TBX4: variants seen among roughly 807,000 people sequenced by gnomAD.
TBX4 encodes T-box transcription factor 4.
TBX4 carries 13 observed loss-of-function variants against 54.6 expected under a neutral mutation model. That is an observed-to-expected ratio of 0.24 (90% confidence interval 0.15 to 0.38). TBX4 has a LOEUF of 0.38. TBX4 is among the 10% of genes least tolerant of loss of function. TBX4 has a pLI of 1.00. For synonymous variants in TBX4, 314 were observed against 306.7 expected, an observed-to-expected ratio of 1.02 and a Z score of -0.25; for missense variants, 631 against 728.5, an observed-to-expected ratio of 0.87 and a Z score of 1.54.
chr17:61,467,385 C>T, intron 4 of TBX4, 125 bp from the exon 5 acceptor site: 1 of 1,088,876 alleles, frequency 9.2e-7, no homozygotes, highest in Non-Finnish European at 1.4e-6. Context: ...ACTAATTTGA[C>T]AATGTGGTGG....
rs2060645750 is a variant in TBX4, at chr17:61,479,288, C to T, written c.702+509C>T. 6.6e-6 allele frequency among the ~76,000 whole-genome samples: 1 copy of T among 152,166 alleles called. No homozygotes were observed. The highest frequency in any genetic ancestry group is 1.5e-5 in the Non-Finnish European group (1 of 68,038). On this transcript the variant is annotated intron_variant, in intron 6 of 8. Coordinates refer to ENST00000644296, the MANE Select transcript of TBX4 (RefSeq NM_001321120.2). This position sits in a 1 kb window ranked among gnomAD's most constrained non-coding sequence, Gnocchi z 6.1. Reference sequence around the variant, plus strand: ...CTGCCCTCCCCAGCCCGGCCACCCCCACTGCATCCCAGTCACTGACAGCCG... The same window carrying T: ...CTGCCCTCCCCAGCCCGGCCACCCCTACTGCATCCCAGTCACTGACAGCCG...
chr17:61,482,113 T>A (rs1311082594), intron 8 of TBX4, among the ~76,000 whole-genome samples: 2 of 152,122 alleles, frequency 1.3e-5, no homozygotes, highest in South Asian at 2.1e-4. Flanking sequence ...CCCCAAACCC[T>A]CAGGCCTGGG....
chr17:61,459,917 C>T lies in TBX4; in HGVS notation c.281+2286C>T, dbSNP rs1248270788. 2.6e-5 allele frequency among the ~76,000 whole-genome samples: 4 copies of T among 151,734 alleles called. No individual in the cohort carries two copies. Among genetic ancestry groups the T allele is most frequent in the Non-Finnish European group, 4.4e-5 (3 of 67,986 alleles). On this transcript the variant is annotated intron_variant, in intron 3 of 8. Transcript: ENST00000644296. The surrounding 1 kb of genome is among the most constrained non-coding windows in gnomAD (Gnocchi z 4.8). ...CCCTCCTTCAGCAACCACTGTATTG[C>T]TCTGATCTACGTTACTCAGGCTGTG...
rs2060507204 is a variant in TBX4 at position 61,462,888 on chromosome 17, G to A, written c.282-2931G>A. The A allele has an allele frequency of 6.6e-6, 1 of 152,346 alleles. No individual in the cohort carries two copies. The highest frequency in any genetic ancestry group is 2.4e-5 in the African/African-American group (1 of 41,474). The allele number at this position is 152,346 out of a possible 1,614,324, so 9.4% of individuals were successfully genotyped here. The stretch of plus-strand genomic sequence containing the variant: ...AGCTCCCAAACCCAGCCTGGCCTCT[G>A]TCGCCTGAGGCATGCCACGCTGGGG... On this transcript the variant is annotated intron_variant, in intron 3 of 8. Transcript: ENST00000644296. This position sits in a 1 kb window ranked among gnomAD's most constrained non-coding sequence, Gnocchi z 4.5.
At chr17:61,456,168 G>A (rs577354687) in intron 1 of TBX4, among the ~76,000 whole-genome samples, 10 of 152,352 alleles carry the variant, frequency 6.6e-5, no homozygotes, top group African/African-American at 2.2e-4. Flanking sequence ...CTCAGTAGGA[G>A]TGAGGGACTC....
Position 61,466,968 on chromosome 17 carries a change from G to A in TBX4, c.402-542G>A, listed in dbSNP as rs138610172. Among the ~76,000 whole-genome samples, 468 of 152,246 alleles carry A rather than the reference G, an allele frequency of 3.1e-3. 1 individual carries two copies. Among genetic ancestry groups the A allele is most frequent in the Non-Finnish European group, 5.3e-3 (360 of 68,016 alleles). The stretch of plus-strand genomic sequence containing the variant: ...GGTCAGGAGTTTGAGACCAGCCTGG[G>A]TAATATAGTAAGATCCTTGTCTCTG... On this transcript the variant is annotated intron_variant, in intron 4 of 8. Transcript: ENST00000644296.
intron 2 of TBX4, 56 bp downstream of exon 2, chr17:61,456,732 G>T (rs1253126539): frequency 3.1e-6 from 4 of 1,276,332 alleles, no homozygotes; most frequent in Non-Finnish European, 4.0e-6. Context: ...CTGCGGGGCC[G>T]CCTGTGTCCG....
At position 61,467,618 on chromosome 17, in the gene TBX4, G is replaced by A. The variant is rs748363362; in HGVS notation, c.510G>A (p.Lys170=). Residue 170 remains lysine (K), a synonymous_variant, in exon 5 of 9, where the codon AAG becomes AAA. Transcript: ENST00000644296. Reference sequence around the variant, plus strand: ...TGCGGCAGCTGGTCTCCTTCCAGAAGCTGAAGCTGACAAACAACCACCTGG... The same window carrying A: ...TGCGGCAGCTGGTCTCCTTCCAGAAACTGAAGCTGACAAACAACCACCTGG... ...HWMRQLVSFQ[K]LKLTNNHLDP... is the part of the protein sequence containing the mutation. The A allele has an allele frequency of 1.2e-6, 2 of 1,614,240 alleles. No individual in the cohort carries two copies. Among genetic ancestry groups the A allele is most frequent in the South Asian group, 1.1e-5 (1 of 91,084 alleles).
chr17:61,455,235 A>G (rs1443750082), intron 1 of TBX4, among the ~76,000 whole-genome samples: 1 of 152,080 alleles, frequency 6.6e-6, no homozygotes, highest in Admixed American at 6.5e-5. Context: ...TAAGCCCGGG[A>G]TGAGGAGGCC....
chr17:61,456,603 G>T lies in TBX4; in HGVS notation c.113G>T (p.Gly38Val), dbSNP rs946799652. Residue 38 changes from glycine (G) to valine (V), a missense_variant, in exon 2 of 9, where the codon GGC (glycine) becomes GTC (valine). Gly to Val is a moderately radical substitution (Grantham distance 109). Coordinates refer to ENST00000644296, the MANE Select transcript of TBX4 (RefSeq NM_001321120.2). ...CCCGAGCCCGCGCTGGCAGCGCCGGGCCTCAGCGGAGCCGCGCTAGGCAGC... is the reference window on the plus strand; with the variant it reads ...CCCGAGCCCGCGCTGGCAGCGCCGGTCCTCAGCGGAGCCGCGCTAGGCAGC... ...NAPEPALAAP[G>V]LSGAALGSPP... The T allele has an allele frequency of 1.0e-5, 15 of 1,505,668 alleles. No individual in the cohort carries two copies. Among genetic ancestry groups the T allele is most frequent in the African/African-American group, 1.4e-5 (1 of 69,654 alleles). The allele number at this position is 1,505,668 out of a possible 1,614,324, so 93.3% of individuals were successfully genotyped here. A position where few individuals can be genotyped will look rare whatever the true frequency, so the allele number is the denominator to read the frequency against.
chr17:61,463,519 A>C (rs1030193656), intron 3 of TBX4: 3 of 152,282 alleles, frequency 2.0e-5, no homozygotes, highest in African/African-American at 7.2e-5. Context: ...GAAAGCACTT[A>C]GTTAGTGTCA....
In TBX4 at chr17:61,462,054, G is replaced by A. The variant is rs1030725328; in HGVS notation, c.282-3765G>A. Among the ~76,000 whole-genome samples the A allele has an allele frequency of 1.3e-5, 2 of 152,194 alleles. No homozygotes were observed. The highest frequency in any genetic ancestry group is 4.8e-5 in the African/African-American group (2 of 41,448). The stretch of plus-strand genomic sequence containing the variant: ...CTCGCAGCGCAGCTAGAACTTGCGT[G>A]TTCCCTCAGCAGTGAGTTCGCAGTT... On this transcript the variant is annotated intron_variant, in intron 3 of 8. Coordinates refer to ENST00000644296, the MANE Select transcript of TBX4 (RefSeq NM_001321120.2). The surrounding 1 kb of genome is among the most constrained non-coding windows in gnomAD (Gnocchi z 4.5).
In TBX4 at chr17:61,480,418, C is replaced by T. The variant is rs2060656350; in HGVS notation, c.1021+99C>T. 4 of 1,034,290 alleles carry T rather than the reference C, an allele frequency of 3.9e-6. No individual in the cohort carries two copies. The East Asian group carries it at 7.8e-5, about 20-fold the overall frequency. The allele number at this position is 1,034,290 out of a possible 1,614,324, so 64.1% of individuals were successfully genotyped here. A position where few individuals can be genotyped will look rare whatever the true frequency, so the allele number is the denominator to read the frequency against. ...CGCCCCCCCCCCCAACACACACACACTCATCTCGTGCTTGTGTGGCCTGGG... is the reference window on the plus strand; with the variant it reads ...CGCCCCCCCCCCCAACACACACACATTCATCTCGTGCTTGTGTGGCCTGGG... On this transcript the variant is annotated intron_variant, in intron 8 of 8. Coordinates refer to ENST00000644296, the MANE Select transcript of TBX4 (RefSeq NM_001321120.2). This position sits in a 1 kb window ranked among gnomAD's most constrained non-coding sequence, Gnocchi z 6.2.
In TBX4 at chr17:61,464,332, C is replaced by T. The variant is rs1310149611; in HGVS notation, c.282-1487C>T. The T allele has an allele frequency of 2.0e-5, 3 of 152,316 alleles. No homozygotes were observed. Among genetic ancestry groups the T allele is most frequent in the South Asian group, 2.1e-4 (1 of 4,824 alleles). 9.4% of individuals were successfully genotyped at this position (152,316 alleles called of 1,614,324 possible). On this transcript the variant is annotated intron_variant, in intron 3 of 8. Transcript: ENST00000644296. This position sits in a 1 kb window ranked among gnomAD's most constrained non-coding sequence, Gnocchi z 5.8. ...TGGCAAGGAAGTGAACCCTCCACCT[C>T]GGTCGGGGTCCTCGCCTGGGCTTAG...
chr17:61,457,259 T>G lies in TBX4; in HGVS notation c.187-278T>G, dbSNP rs1218333793. ...CGATGGCCCGCCACAGAAATGTTCA[T>G]GAGTGAGCAGGAGTGTCGTCTAACC... On this transcript the variant is annotated intron_variant, in intron 2 of 8. Transcript: ENST00000644296. This position sits in a 1 kb window ranked among gnomAD's most constrained non-coding sequence, Gnocchi z 8.2. Among the ~76,000 whole-genome samples, 1 of 152,132 alleles carries G rather than the reference T, an allele frequency of 6.6e-6. No individual in the cohort carries two copies. The highest frequency in any genetic ancestry group is 1.5e-5 in the Non-Finnish European group (1 of 68,002).
rs926166337 is a variant in TBX4, at chr17:61,465,738, C to T, written c.282-81C>T. 2 of 1,584,942 alleles carry T rather than the reference C, an allele frequency of 1.3e-6. No individual in the cohort carries two copies. The highest frequency in any genetic ancestry group is 2.3e-5 in the East Asian group (1 of 44,274). On this transcript the variant is annotated intron_variant, in intron 3 of 8. Coordinates refer to ENST00000644296, the MANE Select transcript of TBX4 (RefSeq NM_001321120.2). The surrounding 1 kb of genome is among the most constrained non-coding windows in gnomAD (Gnocchi z 4.9). Reference sequence around the variant, plus strand: ...CCAAAAGGGCAGCATCTGTTAGCGGCCTTCTGCCCCCTTGCTCACTCTGTT... The same window carrying T: ...CCAAAAGGGCAGCATCTGTTAGCGGTCTTCTGCCCCCTTGCTCACTCTGTT...
intron 5 of TBX4, among the ~76,000 whole-genome samples, chr17:61,473,712 C>T (rs2060597701): frequency 1.3e-5 from 2 of 152,364 alleles, no homozygotes; most frequent in Admixed American, 6.5e-5. Flanking sequence ...ATGCCTGCAC[C>T]TCCCTGACCC....
intron 1 of TBX4, 136 bp from the exon 2 acceptor site, chr17:61,456,352 A>T (rs2060448917): frequency 2.5e-6 from 3 of 1,190,534 alleles, no homozygotes; most frequent in African/African-American, 1.5e-5. Context: ...CCTCCAGCTC[A>T]GGAGGGGGCG....
chr17:61,454,380 T>A (rs886607902), intron 1 of TBX4, among the ~76,000 whole-genome samples: 2 of 152,168 alleles, frequency 1.3e-5, no homozygotes, highest in African/African-American at 4.8e-5. Context: ...GCAGCGGAGG[T>A]TGCGGGCCGC....
Sources: gnomAD v4.1 joint callset for allele counts (sites outside exome capture counted in the v4.1 genomes callset) on GRCh38, gnomAD v4.1.1 for gene constraint, Gnocchi (gnomAD v3.1) non-coding constraint, MANE v1.5 for transcripts, NCBI Gene and HGNC (gene_info 2026-07-23, HGNC 2026-07-21) for gene names.